Variants in PPM1H observed in about 807,000 individuals in gnomAD.
The protein encoded by PPM1H is protein phosphatase 1H.
PPM1H carries 27 observed loss-of-function variants against 54.9 expected under a neutral mutation model. The observed-to-expected ratio is 0.49, with a 90% CI of 0.36 to 0.68. The LOEUF (loss-of-function observed/expected upper bound fraction) is 0.68. PPM1H is among the 30% of genes least tolerant of loss of function. PPM1H has a pLI of 0.00. For synonymous variants in PPM1H, 305 were observed against 270.8 expected, an observed-to-expected ratio of 1.13 and a Z score of -1.24; for missense variants, 596 against 667.8, an observed-to-expected ratio of 0.89 and a Z score of 1.19.
rs182474702 is a variant in PPM1H, at chr12:62,782,474, G to T, written c.869+5752C>A. 3.5e-3 allele frequency among the ~76,000 whole-genome samples: 526 copies of T among 152,304 alleles called. 4 individuals carry two copies. Among genetic ancestry groups the T allele is most frequent in the African/African-American group, 0.012 (499 of 41,540 alleles). ...ATAGAGAAAGCTTTAACTGTAAAGG[G>T]GGGTAATTGTGGAAAACTAAAAAGG... On this transcript the variant is annotated intron_variant, in intron 4 of 9. Transcript: ENST00000228705.
intron 5 of PPM1H, among the ~76,000 whole-genome samples, chr12:62,721,180 A>C (rs1244024683): frequency 6.6e-6 from 1 of 152,246 alleles, no homozygotes; most frequent in African/African-American, 2.4e-5. Flanking sequence ...GCAGATGGTC[A>C]GGTCCTCAGT....
At position 62,802,166 on chromosome 12, in the gene PPM1H, G is replaced by T; in HGVS notation, c.412-6C>A. The T allele has an allele frequency of 1.3e-6, 2 of 1,553,362 alleles. No homozygotes were observed. The highest frequency in any genetic ancestry group is 2.5e-5 in the South Asian group (2 of 81,320). ...CAGGAAACACCCTCGGATTCCTGTG[G>T]GAGAGGACGACAGGGAGGAGTGAGA... On this transcript the variant is annotated splice_region_variant and splice_polypyrimidine_tract_variant and intron_variant, in intron 2 of 9. Transcript: ENST00000228705.
At chr12:62,669,969 CTTT>C (rs1161094944) in intron 8 of PPM1H, among the ~76,000 whole-genome samples, 37 of 46,430 alleles carry the variant, frequency 8.0e-4, no homozygotes, top group African/African-American at 3.9e-3. Flanking sequence ...GGATTGATTC[CTTT>C]TTTTTTTTTT....
intron 8 of PPM1H, among the ~76,000 whole-genome samples, chr12:62,674,685 C>T (rs2075975602): frequency 6.6e-6 from 1 of 152,224 alleles, no homozygotes; most frequent in Non-Finnish European, 1.5e-5. Context: ...AGCTTACAGA[C>T]CATCTGCTGG....
chr12:62,819,845 C>T (rs1334416690), intron 2 of PPM1H, among the ~76,000 whole-genome samples: 5 of 152,212 alleles, frequency 3.3e-5, no homozygotes, highest in African/African-American at 7.2e-5. Flanking sequence ...TGGTGTGCAG[C>T]TCCCAGTGGG....
intron 9 of PPM1H, among the ~76,000 whole-genome samples, chr12:62,663,949 G>A (rs188469619): frequency 0.017 from 2,487 of 150,604 alleles, 36 homozygotes; most frequent in Middle Eastern, 0.035. Flanking sequence ...TGAGATTTGC[G>A]CCATTGCACT....
rs185684906 is a variant in PPM1H at position 62,828,150 on chromosome 12, G to A, written c.411+3964C>T. Among the ~76,000 whole-genome samples the A allele has an allele frequency of 5.7e-4, 87 of 152,248 alleles. 3 individuals carry two copies. In the East Asian group the frequency reaches 0.014, roughly 25 times the overall value. On this transcript the variant is annotated intron_variant, in intron 2 of 9. Coordinates refer to ENST00000228705, the MANE Select transcript of PPM1H (RefSeq NM_020700.2). ...CCATATTTGAGTTTTACCATTAAGG[G>A]CATGTCTTCTAGATGGGAAAAATCA...
chr12:62,665,558 A>C (rs1038216169), intron 9 of PPM1H, among the ~76,000 whole-genome samples: 10 of 152,068 alleles, frequency 6.6e-5, no homozygotes, highest in African/African-American at 2.4e-4. Context: ...CATCTACTGG[A>C]TTATTTATTA....
intron 9 of PPM1H, among the ~76,000 whole-genome samples, chr12:62,656,139 T>C (rs2075842879): frequency 6.6e-6 from 1 of 152,240 alleles, no homozygotes; most frequent in African/African-American, 2.4e-5. Flanking sequence ...CCTTGCAGAT[T>C]CTGTTGCTGT....
intron 1 of PPM1H, among the ~76,000 whole-genome samples, chr12:62,929,941 G>C (rs1872081241): frequency 6.6e-6 from 1 of 152,028 alleles, no homozygotes; most frequent in Non-Finnish European, 1.5e-5. Flanking sequence ...AGTCAAACAG[G>C]AAGTTTCCAA....
intron 1 of PPM1H, among the ~76,000 whole-genome samples, chr12:62,853,311 C>T (rs771822321): frequency 2.6e-5 from 4 of 151,992 alleles, no homozygotes; most frequent in African/African-American, 4.8e-5. Flanking sequence ...GAAAGATATT[C>T]AGGTACACGT....
chr12:62,843,076 G>C (rs1472352302), intron 1 of PPM1H, among the ~76,000 whole-genome samples: 1 of 152,242 alleles, frequency 6.6e-6, no homozygotes, highest in Non-Finnish European at 1.5e-5. Context: ...AGCACTTTGG[G>C]AGGCTGAGGC....
At chr12:62,898,434 G>C (rs759594131) in intron 1 of PPM1H, among the ~76,000 whole-genome samples, 9 of 152,178 alleles carry the variant, frequency 5.9e-5, no homozygotes. Context: ...ACTGAAAAGA[G>C]AACAGACACC....
intron 4 of PPM1H, among the ~76,000 whole-genome samples, chr12:62,786,539 C>T (rs2076672793): frequency 6.6e-6 from 1 of 152,202 alleles, no homozygotes. Context: ...TCTCCCATTC[C>T]TTCTAACAGC....
intron 1 of PPM1H, among the ~76,000 whole-genome samples, chr12:62,854,612 TA>T (rs1869314410): frequency 6.6e-6 from 1 of 152,202 alleles, no homozygotes; most frequent in Admixed American, 6.5e-5. Flanking sequence ...AAGCCTGGCA[TA>T]CTGTAGGGCC....
At chr12:62,674,905 CT>C (rs2075977370) in intron 8 of PPM1H, among the ~76,000 whole-genome samples, 1 of 152,152 alleles carries the variant, frequency 6.6e-6, no homozygotes, top group Non-Finnish European at 1.5e-5. Flanking sequence ...CCAATCTCCC[CT>C]GTCTCTGTTT....
intron 4 of PPM1H, among the ~76,000 whole-genome samples, chr12:62,770,482 T>A (rs753032644): frequency 6.6e-6 from 1 of 152,214 alleles, no homozygotes; most frequent in African/African-American, 2.4e-5. Flanking sequence ...TCCTATCTGT[T>A]TTACATACTG....
chr12:62,788,466 G>A (rs1210214641), intron 3 of PPM1H, 128 bp from the exon 4 acceptor site: 2 of 613,684 alleles, frequency 3.3e-6, no homozygotes, highest in Non-Finnish European at 2.9e-6. Context: ...AATCTTTAGT[G>A]CTTGCTTTCC....
chr12:62,699,127 C>T (rs2076129978), intron 6 of PPM1H, among the ~76,000 whole-genome samples: 1 of 152,218 alleles, frequency 6.6e-6, no homozygotes, highest in Non-Finnish European at 1.5e-5. Flanking sequence ...AATTCAAAAA[C>T]ATCAAATTCA....
Sources: gnomAD v4.1 joint callset for allele counts (sites outside exome capture counted in the v4.1 genomes callset) on GRCh38, gnomAD v4.1.1 for gene constraint, MANE v1.5 for transcripts, NCBI Gene and HGNC (gene_info 2026-07-23, HGNC 2026-07-21) for gene names.